The following SAMMSON variants were observed in gnomAD, a reference collection of about 807,000 sequenced individuals.
SAMMSON encodes the protein long intergenic non-protein coding RNA 1212.
intron 1 of SAMMSON, among the ~76,000 whole-genome samples, chr3:70,008,295 A>G (rs544916524): frequency 6.6e-6 from 1 of 152,288 alleles, no homozygotes; most frequent in South Asian, 2.1e-4. Flanking sequence ...ATGTTCGTCC[A>G]TTTGTTTGTA....
chr3:70,141,376 T>C (rs1002749436), intron 4 of SAMMSON, among the ~76,000 whole-genome samples: 5 of 152,156 alleles, frequency 3.3e-5, no homozygotes, highest in Admixed American at 2.6e-4. Context: ...AAGATGGATG[T>C]CCCAGCTCTA....
At chr3:70,418,999 C>CTTTCTTTCTT (rs1553664171) in intron 2 of SAMMSON, among the ~76,000 whole-genome samples, 1 of 119,294 alleles carries the variant, frequency 8.4e-6, no homozygotes, top group Non-Finnish European at 1.7e-5. Context: ...CTCTCTCTCT[C>CTTTCTTTCTT]TCTTTCTTTC....
chr3:70,372,092 T>C (rs2106746412), intron 9 of SAMMSON, among the ~76,000 whole-genome samples: 1 of 152,266 alleles, frequency 6.6e-6, no homozygotes, highest in Middle Eastern at 3.4e-3. Flanking sequence ...TTGAGAATCA[T>C]CAGAAATTTT....
intron 7 of SAMMSON, among the ~76,000 whole-genome samples, chr3:70,351,666 C>T (rs543682050): frequency 2.8e-5 from 4 of 142,998 alleles, no homozygotes; most frequent in Non-Finnish European, 4.6e-5. Context: ...AAATTGGTCA[C>T]TCAGAAATGC....
chr3:70,422,638 A>G (rs1348166530), intron 2 of SAMMSON, among the ~76,000 whole-genome samples: 1 of 152,092 alleles, frequency 6.6e-6, no homozygotes, highest in East Asian at 1.9e-4. Context: ...TTCACCTATG[A>G]AAACCCTAGT....
intron 6 of SAMMSON, among the ~76,000 whole-genome samples, chr3:70,284,629 A>G (rs1230483736): frequency 3.3e-5 from 5 of 152,172 alleles, no homozygotes; most frequent in African/African-American, 1.2e-4. Context: ...CATCTTCCTT[A>G]GAAATTAACA....
intron 4 of SAMMSON, among the ~76,000 whole-genome samples, chr3:70,100,990 A>G (rs544028887): frequency 2.0e-5 from 3 of 152,334 alleles, no homozygotes; most frequent in African/African-American, 7.2e-5. Flanking sequence ...AGCTTTGATG[A>G]AGCTTTTAAA....
intron 4 of SAMMSON, among the ~76,000 whole-genome samples, chr3:70,140,862 G>A (rs2067525072): frequency 6.6e-6 from 1 of 152,046 alleles, no homozygotes; most frequent in African/African-American, 2.4e-5. Flanking sequence ...CATCAGAATA[G>A]CCTTTATTGT....
At chr3:70,355,607 C>A (rs813398) in intron 8 of SAMMSON, among the ~76,000 whole-genome samples, 107,474 of 151,952 alleles carry the variant, frequency 0.71, 38,533 homozygotes, top group Middle Eastern at 0.78. Context: ...AAAGTGAAAA[C>A]AGGAGAGGGG....
chr3:70,360,530 C>T (rs1460624741), intron 9 of SAMMSON, among the ~76,000 whole-genome samples: 2 of 152,164 alleles, frequency 1.3e-5, no homozygotes, highest in Non-Finnish European at 2.9e-5. Flanking sequence ...TAAACGCACT[C>T]TATTCCAGCA....
At chr3:70,211,230 C>A (rs1400295040) in intron 4 of SAMMSON, among the ~76,000 whole-genome samples, 1 of 151,154 alleles carries the variant, frequency 6.6e-6, no homozygotes, top group Non-Finnish European at 1.5e-5. Flanking sequence ...CCTTTCCTTT[C>A]CCTTTTTCCT....
In SAMMSON at chr3:70,017,701, C is replaced by T. The variant is rs571240003; in HGVS notation, n.417+4029C>T. Among the ~76,000 whole-genome samples the T allele has an allele frequency of 3.6e-3, 541 of 152,120 alleles. 1 individual carries two copies. The highest frequency in any genetic ancestry group is 6.4e-3 in the Non-Finnish European group (433 of 67,992). ...ATGCTTCCAGTTTTTGCCCATTCAG[C>T]ATGATATTGGCTGTGGGTTTGTCAT... On this transcript the variant is annotated intron_variant and non_coding_transcript_variant, in intron 3 of 9. Transcript: ENST00000642114.
At chr3:70,363,633 G>A (rs960412874) in intron 9 of SAMMSON, among the ~76,000 whole-genome samples, 7 of 151,958 alleles carry the variant, frequency 4.6e-5, no homozygotes, top group African/African-American at 1.7e-4. Flanking sequence ...ACATGTTAAG[G>A]TTTTAGTACA....
rs530585083 is a variant in SAMMSON, at chr3:70,131,609, G to C, written n.507+60044G>C. On this transcript the variant is annotated intron_variant and non_coding_transcript_variant, in intron 4 of 9. Transcript: ENST00000642114. The stretch of plus-strand genomic sequence containing the variant: ...TATAATTTGCAATTAAAAAAAAATA[G>C]AGGGTTTCGCTTTGCTGCTGGAGCC... Among the ~76,000 whole-genome samples the C allele has an allele frequency of 1.9e-3, 283 of 152,188 alleles. 2 individuals carry two copies. Among genetic ancestry groups the C allele is most frequent in the South Asian group, 4.8e-3 (23 of 4,820 alleles).
intron 4 of SAMMSON, among the ~76,000 whole-genome samples, chr3:70,198,519 T>TA (rs1386471247): frequency 3.3e-5 from 5 of 152,316 alleles, no homozygotes; most frequent in African/African-American, 9.6e-5. Flanking sequence ...TGGTTTCTTG[T>TA]AAAAACACTA....
chr3:70,102,223 T>C (rs985440899), intron 4 of SAMMSON, among the ~76,000 whole-genome samples: 2 of 152,150 alleles, frequency 1.3e-5, no homozygotes, highest in Admixed American at 1.3e-4. Flanking sequence ...CTTTTTCTCC[T>C]CTTCTCTATT....
At chr3:70,378,807 C>G (rs541832139) in intron 9 of SAMMSON, among the ~76,000 whole-genome samples, 35 of 151,812 alleles carry the variant, frequency 2.3e-4, no homozygotes, top group African/African-American at 8.2e-4. Flanking sequence ...TATGCAATGA[C>G]AAAAATAGTA....
intron 2 of SAMMSON, among the ~76,000 whole-genome samples, chr3:70,412,314 T>C (rs1701226138): frequency 6.6e-6 from 1 of 152,298 alleles, no homozygotes. Flanking sequence ...TTCTTGAAAT[T>C]ATATGCTTAA....
chr3:70,054,011 T>A (rs1165357825), intron 3 of SAMMSON, among the ~76,000 whole-genome samples: 1 of 152,158 alleles, frequency 6.6e-6, no homozygotes, highest in Non-Finnish European at 1.5e-5. Flanking sequence ...TCCTGCAGTC[T>A]TAAAATTAAG....
Sources: gnomAD v4.1 joint callset for allele counts (sites outside exome capture counted in the v4.1 genomes callset) on GRCh38, gnomAD v4.1.1 for gene constraint, MANE v1.5 for transcripts, NCBI Gene and HGNC (gene_info 2026-07-23, HGNC 2026-07-21) for gene names.